The following CEP162 variants were observed in gnomAD, a reference collection of about 807,000 sequenced individuals.
The protein encoded by CEP162 is centrosomal protein of 162 kDa.
A neutral mutation model predicts 169.2 loss-of-function variants in CEP162; 141 were observed. That is an observed-to-expected ratio of 0.83 (90% confidence interval 0.73 to 0.96). CEP162 has a LOEUF of 0.96. Among genes scored for constraint, CEP162 ranks in the 40% least tolerant of loss-of-function variants. The pLI is 0.00. For missense variants in CEP162, 1,600 were observed against 1,587.2 expected, an observed-to-expected ratio of 1.01 and a Z score of -0.14; for synonymous variants, 540 against 526.4, an observed-to-expected ratio of 1.03 and a Z score of -0.35.
rs763282306 is a variant in CEP162 at position 84,215,287 on chromosome 6, T to C, written c.498A>G (p.Leu166=). 1 of 1,551,670 alleles carries C rather than the reference T, an allele frequency of 6.4e-7. No homozygotes were observed. Among genetic ancestry groups the C allele is most frequent in the Non-Finnish European group, 8.8e-7 (1 of 1,136,476 alleles). Residue 166 remains leucine, a synonymous_variant, in exon 5 of 27, where the codon TTA becomes TTG. Transcript: ENST00000403245. The stretch of plus-strand genomic sequence containing the variant: ...TAGTTTACACTGTACTTTACCTATG[T>C]AAAGCTTTAAAATGTGTAGAGTCAT... ...DSNDSTHFKA[L]HSNQANAELT... is the part of the protein sequence containing the mutation.
At chr6:84,219,631 A>G (rs1046338240) in intron 3 of CEP162, among the ~76,000 whole-genome samples, 2 of 152,264 alleles carry the variant, frequency 1.3e-5, no homozygotes, top group Non-Finnish European at 2.9e-5. Context: ...AGCATGTTGC[A>G]TAAGAATTTA....
At chr6:84,180,033 C>T (rs2099534094) in intron 13 of CEP162, among the ~76,000 whole-genome samples, 2 of 151,998 alleles carry the variant, frequency 1.3e-5, no homozygotes, top group African/African-American at 4.8e-5. Flanking sequence ...CTGGCAGAGA[C>T]ACAACAAAAA....
chr6:84,187,093 C>G (rs989199083), intron 11 of CEP162, among the ~76,000 whole-genome samples: 10 of 151,788 alleles, frequency 6.6e-5, no homozygotes, highest in Non-Finnish European at 1.3e-4. Context: ...AGTATAAATA[C>G]TAAAAAAGCA....
intron 11 of CEP162, among the ~76,000 whole-genome samples, chr6:84,191,939 T>G (rs2099540115): frequency 6.6e-6 from 1 of 152,178 alleles, no homozygotes; most frequent in African/African-American, 2.4e-5. Context: ...GATATGAAAC[T>G]TCTGTATTAA....
chr6:84,208,032 T>G (rs1276907611), intron 6 of CEP162, among the ~76,000 whole-genome samples: 1 of 151,366 alleles, frequency 6.6e-6, no homozygotes, highest in Non-Finnish European at 1.5e-5. Context: ...TTTTTTTTTT[T>G]TTTTTGTCTC....
At chr6:84,198,273 TTTTA>T (rs905947045) in intron 9 of CEP162, among the ~76,000 whole-genome samples, 3 of 152,022 alleles carry the variant, frequency 2.0e-5, no homozygotes, top group Admixed American at 6.6e-5. Context: ...TTTTATTTTA[TTTTA>T]TTTATTTATT....
At chr6:84,186,109 G>T (rs1027981634) in intron 12 of CEP162, among the ~76,000 whole-genome samples, 3 of 152,006 alleles carry the variant, frequency 2.0e-5, no homozygotes, top group African/African-American at 7.2e-5. Flanking sequence ...AATGTATAAA[G>T]AATGGCTTCT....
In CEP162 at chr6:84,128,722, T is replaced by G. The variant is rs138400293; in HGVS notation, c.3871-2210A>C. On this transcript the variant is annotated intron_variant, in intron 25 of 26. Transcript: ENST00000403245. ...TTTTTTTTTAAGTTATACTTTGTTC[T>G]GGGGTACATGTGCAGAACGTGCAGG... Among the ~76,000 whole-genome samples, 96 of 152,232 alleles carry G rather than the reference T, an allele frequency of 6.3e-4. 1 individual carries two copies. The highest frequency in any genetic ancestry group is 2.2e-3 in the African/African-American group (92 of 41,542).
intron 24 of CEP162, among the ~76,000 whole-genome samples, chr6:84,148,929 A>G (rs1277861636): frequency 6.6e-6 from 1 of 152,174 alleles, no homozygotes; most frequent in Non-Finnish European, 1.5e-5. Flanking sequence ...TACAGAAGAC[A>G]GGCCACATGG....
In CEP162 at chr6:84,159,523, TTATA is replaced by T. The variant is rs1554166777; in HGVS notation, c.2781+1285_2781+1288del. Among the ~76,000 whole-genome samples the T allele has an allele frequency of 2.5e-3, 91 of 37,136 alleles. 1 individual carries two copies. The highest frequency in any genetic ancestry group is 7.5e-3 in the African/African-American group (68 of 9,080). 24.4% of individuals were successfully genotyped at this position (37,136 alleles called of 152,430 possible). The stretch of plus-strand genomic sequence containing the variant: ...CTAGTTCTTTTTTAAAATTAATTAT[TTATA>T]TATATATATATATATATATATTTTT... On this transcript the variant is annotated intron_variant, in intron 21 of 26. Transcript: ENST00000403245.
intron 16 of CEP162, among the ~76,000 whole-genome samples, chr6:84,172,988 A>C (rs1003986880): frequency 6.6e-6 from 1 of 152,156 alleles, no homozygotes; most frequent in Non-Finnish European, 1.5e-5. Context: ...CACATTGCAA[A>C]CATCTGCCTC....
rs1486977487 is a variant in CEP162 at position 84,155,362 on chromosome 6, TC to T, written c.2929del (p.Glu977ArgfsTer21). The T allele has an allele frequency of 1.1e-5, 17 of 1,613,626 alleles. No homozygotes were observed. Among genetic ancestry groups the T allele is most frequent in the Non-Finnish European group, 1.4e-5 (16 of 1,179,740 alleles). ...KRIKKLEADL[E>X]GKDEDAKKSL... is the part of the protein sequence containing the mutation. ...TTTCTTTGCATCTTCATCTTTGCCC[TC>T]CAGATCAGCTTCTAGCTTTTTTATC... On this transcript the variant is annotated frameshift_variant, in exon 22 of 27. Coordinates refer to ENST00000403245, the MANE Select transcript of CEP162 (RefSeq NM_014895.4). LOFTEE classifies it high-confidence loss of function.
intron 18 of CEP162, among the ~76,000 whole-genome samples, chr6:84,168,561 CTG>C (rs1562035232): frequency 2.0e-5 from 3 of 152,110 alleles, no homozygotes; most frequent in African/African-American, 4.8e-5. Flanking sequence ...GAGGAAGTAA[CTG>C]TACTCCACAG....
chr6:84,209,072 A>G (rs2099548442), intron 6 of CEP162, among the ~76,000 whole-genome samples: 1 of 152,226 alleles, frequency 6.6e-6, no homozygotes, highest in Admixed American at 6.5e-5. Flanking sequence ...GCATAAAGAA[A>G]GTGTTAGAAA....
At chr6:84,172,490 C>T (rs1000476887) in intron 16 of CEP162, among the ~76,000 whole-genome samples, 4 of 152,128 alleles carry the variant, frequency 2.6e-5, no homozygotes, top group South Asian at 2.1e-4. Context: ...TAGTGCCTGG[C>T]GACAGTCTGT....
chr6:84,214,533 A>C (rs1451222268), intron 5 of CEP162, among the ~76,000 whole-genome samples: 1 of 152,170 alleles, frequency 6.6e-6, no homozygotes, highest in African/African-American at 2.4e-5. Flanking sequence ...TAAAAATCTC[A>C]GACCCCGCAA....
At position 84,154,330 on chromosome 6, in the gene CEP162, A is replaced by ATCTG. The variant is rs561247395; in HGVS notation, c.2994+964_2994+967dup. ...ATCAGGGATATCTATCTATCTATCTATCTGTCTGTCTGTCTGTCTGTCTGT... is the reference window on the plus strand; with the variant it reads ...ATCAGGGATATCTATCTATCTATCTATCTGTCTGTCTGTCTGTCTGTCTGTCTGT... On this transcript the variant is annotated intron_variant, in intron 22 of 26. Coordinates refer to ENST00000403245, the MANE Select transcript of CEP162 (RefSeq NM_014895.4). Among the ~76,000 whole-genome samples the ATCTG allele has an allele frequency of 8.1e-3, 1,216 of 149,428 alleles. 11 individuals are homozygous for ATCTG. The highest frequency in any genetic ancestry group is 0.024 in the African/African-American group (977 of 40,336).
chr6:84,196,773 A>G (rs2099542342), intron 9 of CEP162, among the ~76,000 whole-genome samples: 1 of 152,180 alleles, frequency 6.6e-6, no homozygotes. Context: ...GAGATAGCCA[A>G]GTGGTACATA....
rs774497666 is a variant in CEP162, at chr6:84,155,289, A to G, written c.2994+9T>C. ...CTGACCTTTATCTCTGAGGCTACTT[A>G]CCACTTACCTTCATTTTCTGAAACT... On this transcript the variant is annotated intron_variant, in intron 22 of 26. Transcript: ENST00000403245. 6.2e-7 allele frequency: 1 copy of G among 1,609,548 alleles called. No homozygotes were observed. Among genetic ancestry groups the G allele is most frequent in the Non-Finnish European group, 8.5e-7 (1 of 1,176,614 alleles).
Sources: allele counts gnomAD v4.1 joint callset (sites outside exome capture counted in the v4.1 genomes callset), GRCh38; gene constraint gnomAD v4.1.1; transcripts MANE v1.5; gene names NCBI Gene and HGNC (gene_info 2026-07-23, HGNC 2026-07-21).